Variants in SVIL observed in about 807,000 individuals in gnomAD.
SVIL encodes the protein archvillin.
In SVIL, 101 loss-of-function variants were observed where a neutral mutation model predicts 240.4. That is an observed-to-expected ratio of 0.42 (90% CI 0.36 to 0.50). The LOEUF (loss-of-function observed/expected upper bound fraction) is 0.50, where lower values mean the gene tolerates loss of function less well. SVIL is among the 20% of genes least tolerant of loss of function. The pLI, the probability that SVIL is intolerant of heterozygous loss-of-function variation, is 0.01. For missense variants in SVIL, 2,512 were observed against 2,818.7 expected (o/e 0.89, Z 2.46); for synonymous variants, 999 against 1,100.0 (o/e 0.91, Z 1.82).
In SVIL at chr10:29,526,996, G is replaced by T. The variant is rs1178724943; in HGVS notation, c.2307C>A (p.Ser769Arg). The change falls in exon 13 of 38, where the codon AGC (serine) becomes AGA (arginine). Residue 769 changes from serine (S) to arginine (R), a missense_variant. This residue lies in a region of SVIL where 1,443 missense variants were observed against 1,486.6 expected (regional missense o/e 0.97). Transcript: ENST00000355867. ...GCACAGCGCTCCTAGCTACAGTGGG[G>T]CTAGGAAGTCTCGCCATTACAGGGT... Reference protein sequence around the residue: ...GTHPVMARLPSPTVARSAVQP... With the variant: ...GTHPVMARLPRPTVARSAVQP... 8 of 1,612,212 alleles carry T rather than the reference G, an allele frequency of 5.0e-6. No homozygotes were observed. The African/African-American group carries it at 9.4e-5, about 19-fold the overall frequency.
chr10:29,469,154 T>C (rs1036094676), intron 32 of SVIL: 5 of 152,242 alleles, frequency 3.3e-5, no homozygotes, highest in Non-Finnish European at 7.3e-5. Flanking sequence ...GTTTTTCTTT[T>C]CCTCAGTGGT....
intron 1 of SVIL, among the ~76,000 whole-genome samples, chr10:29,690,625 A>C (rs1424307157): frequency 1.3e-5 from 2 of 152,126 alleles, no homozygotes; most frequent in Non-Finnish European, 2.9e-5. Flanking sequence ...AATTTATATA[A>C]AATAAAAACA....
At chr10:29,587,992 G>A (rs1162520945) in intron 1 of SVIL, among the ~76,000 whole-genome samples, 8 of 151,938 alleles carry the variant, frequency 5.3e-5, no homozygotes, top group African/African-American at 1.2e-4. Flanking sequence ...CCCCTGCACT[G>A]TACTACGCAT....
In SVIL at chr10:29,562,381, G is replaced by A. The variant is rs141800425; in HGVS notation, c.-51+820C>T. Among the ~76,000 whole-genome samples, 391 of 152,380 alleles carry A rather than the reference G, an allele frequency of 2.6e-3. 2 individuals are homozygous for A. The highest frequency in any genetic ancestry group is 9.1e-3 in the African/African-American group (377 of 41,596). On this transcript the variant is annotated intron_variant, in intron 3 of 37. Coordinates refer to ENST00000355867, the MANE Select transcript of SVIL (RefSeq NM_021738.3). Reference sequence around the variant, plus strand: ...ATAGTAATTCACCAAACACGTGTGAGTGCCTCCTTGGGGAAGAAGAAAGAT... The same window carrying A: ...ATAGTAATTCACCAAACACGTGTGAATGCCTCCTTGGGGAAGAAGAAAGAT...
chr10:29,468,880 C>T (rs935571400), intron 32 of SVIL: 6 of 152,056 alleles, frequency 3.9e-5, no homozygotes, highest in African/African-American at 9.7e-5. Context: ...TTATACAGAA[C>T]AATACATATT....
Position 29,651,150 on chromosome 10 carries a change from GC to G in SVIL, c.-201+6818del, listed in dbSNP as rs372358931. Among the ~76,000 whole-genome samples the G allele has an allele frequency of 6.1e-4, 92 of 152,046 alleles. No individual in the cohort carries two copies. The East Asian group carries it at 0.017, about 28-fold the overall frequency. ...CACACCACCCTCGCGCCCCAACCCT[GC>G]CTACAAGTTAGCAACTCCCTACACA... On this transcript the variant is annotated intron_variant, in intron 3 of 35. Coordinates refer to the SVIL transcript ENST00000375400.
At chr10:29,530,564 C>T (rs1449891064) in intron 11 of SVIL, 43 bp downstream of exon 11, 1 of 1,610,258 alleles carries the variant, frequency 6.2e-7, no homozygotes, top group Non-Finnish European at 8.5e-7. Flanking sequence ...GGGATTACTG[C>T]ACCCAGTAGG....
chr10:29,580,797 G>C (rs1955911460), intron 1 of SVIL, among the ~76,000 whole-genome samples: 1 of 152,084 alleles, frequency 6.6e-6, no homozygotes, highest in Non-Finnish European at 1.5e-5. Flanking sequence ...CTCACGAGTA[G>C]CTGGGACCAC....
At chr10:29,613,809 G>A (rs548817097) in intron 1 of SVIL, among the ~76,000 whole-genome samples, 4 of 152,160 alleles carry the variant, frequency 2.6e-5, no homozygotes, top group Middle Eastern at 3.2e-3. Context: ...CATTGCAACC[G>A]GAAGAATATT....
At chr10:29,525,881 C>T (rs187649945) in intron 13 of SVIL, among the ~76,000 whole-genome samples, 11 of 152,286 alleles carry the variant, frequency 7.2e-5, no homozygotes, top group African/African-American at 2.6e-4. Flanking sequence ...ACAAAAAAGC[C>T]ACCTGAGCCT....
At chr10:29,702,704 C>T (rs1817104885) in intron 1 of SVIL, among the ~76,000 whole-genome samples, 1 of 132,382 alleles carries the variant, frequency 7.6e-6, no homozygotes, top group Non-Finnish European at 1.6e-5. Context: ...AGCTCACAGA[C>T]CTTTGACCTT....
At chr10:29,467,616 C>T (rs530874791) in intron 33 of SVIL, 126 bp downstream of exon 33, 14 of 1,270,790 alleles carry the variant, frequency 1.1e-5, no homozygotes, top group South Asian at 7.4e-5. Context: ...TCACTTGAGC[C>T]CAGGAGGTTG....
At chr10:29,541,836 C>T (rs1564607653) in intron 6 of SVIL, among the ~76,000 whole-genome samples, 1 of 152,072 alleles carries the variant, frequency 6.6e-6, no homozygotes, top group Non-Finnish European at 1.5e-5. Context: ...CCACAAGTGG[C>T]CGATGATTTT....
intron 1 of SVIL, among the ~76,000 whole-genome samples, chr10:29,687,458 G>T (rs1961163051): frequency 6.6e-6 from 1 of 152,240 alleles, no homozygotes; most frequent in African/African-American, 2.4e-5. Flanking sequence ...TTGGGAGGCT[G>T]AGGCAGGTGA....
In SVIL at chr10:29,493,287, C is replaced by T. The variant is rs769292595; in HGVS notation, c.3946G>A (p.Asp1316Asn). The stretch of plus-strand genomic sequence containing the variant: ...ACAGGACTTCTTGGCATATTATAAT[C>T]CACGCTGCGGTAAAATTTGGCAAAG... ...ETFAKFYRSVDYNMPRSPVEM... is the reference protein window; with the variant it reads ...ETFAKFYRSVNYNMPRSPVEM... The change falls in exon 21 of 38, where the codon GAT (aspartate) becomes AAT (asparagine). Residue 1316 changes from aspartate (D) to asparagine (N), a missense_variant. Asp to Asn is a conservative substitution (Grantham distance 23). Coordinates refer to ENST00000355867, the MANE Select transcript of SVIL (RefSeq NM_021738.3). 9 of 1,614,162 alleles carry T rather than the reference C, an allele frequency of 5.6e-6. No homozygotes were observed. Among genetic ancestry groups the T allele is most frequent in the East Asian group, 2.2e-5 (1 of 44,878 alleles).
chr10:29,707,084 T>G (rs1962940897), intron 1 of SVIL, among the ~76,000 whole-genome samples: 1 of 152,192 alleles, frequency 6.6e-6, no homozygotes, highest in Non-Finnish European at 1.5e-5. Flanking sequence ...TGACTCCAGC[T>G]TTGTTCTTTT....
intron 1 of SVIL, among the ~76,000 whole-genome samples, chr10:29,728,593 A>T (rs912135248): frequency 1.3e-5 from 2 of 152,174 alleles, no homozygotes; most frequent in African/African-American, 4.8e-5. Flanking sequence ...AAGCATCAAG[A>T]AGCACTGTCA....
At chr10:29,465,924 C>G (rs1944856044) in intron 33 of SVIL, among the ~76,000 whole-genome samples, 174 bp from the exon 34 acceptor site, 1 of 151,452 alleles carries the variant, frequency 6.6e-6, no homozygotes, top group Non-Finnish European at 1.5e-5. Flanking sequence ...AAGAACCAAT[C>G]AAAAGGGAAA....
intron 17 of SVIL, chr10:29,507,945 T>A (rs1274681189): frequency 4.4e-6 from 1 of 225,452 alleles, no homozygotes; most frequent in African/African-American, 2.4e-5. Flanking sequence ...TCATTGCAAT[T>A]TCAGTTCTCT....
Sources: allele counts gnomAD v4.1 joint callset (sites outside exome capture counted in the v4.1 genomes callset), GRCh38; gene constraint gnomAD v4.1.1; regional missense constraint gnomAD v4.1.1; transcripts MANE v1.5; gene names NCBI Gene and HGNC (gene_info 2026-07-23, HGNC 2026-07-21).